LETMD1: variants seen among roughly 807,000 people sequenced by gnomAD.
LETMD1 encodes LETM1 domain-containing protein 1.
In LETMD1, 30 loss-of-function variants were observed where a neutral mutation model predicts 43.9. The observed-to-expected ratio is 0.68, with a 90% CI of 0.51 to 0.93. The LOEUF is 0.93. LETMD1 is among the 40% of genes least tolerant of loss of function. The pLI is 0.00. For missense variants in LETMD1, 413 were observed against 447.7 expected (o/e 0.92, Z 0.70); for synonymous variants, 176 against 163.1 (o/e 1.08, Z -0.60).
chr12:51,058,175 T>C (rs1227528697), intron 8 of LETMD1, 47 bp downstream of exon 8: 1 of 1,202,340 alleles, frequency 8.3e-7, no homozygotes, highest in East Asian at 2.3e-5. Flanking sequence ...AAGTCACTTT[T>C]GTATTTTATT....
At chr12:51,055,685 A>AC in intron 4 of LETMD1, 150 bp from the exon 5 acceptor site, 1 of 444,534 alleles carries the variant, frequency 2.2e-6, no homozygotes, top group East Asian at 3.8e-5. Context: ...AAAAAAAAAA[A>AC]AAAAACTGAA....
the LETMD1 span, chr12:51,067,532 C>T: frequency 5.1e-5 from 38 of 749,374 alleles, no homozygotes; most frequent in South Asian, 7.1e-5. This position sits in a 1 kb window ranked among gnomAD's most constrained non-coding sequence, Gnocchi z 4.1. Context: ...ACTCTGTTGA[C>T]GGAGGAGGGT....
intron 1 of LETMD1, chr12:51,048,826 C>G (rs1377445891): frequency 5.0e-6 from 3 of 604,978 alleles, no homozygotes; most frequent in African/African-American, 3.7e-5. Context: ...GAGGCATACC[C>G]TGAGTTACTT....
chr12:51,067,841 G>C, the LETMD1 span: 2 of 1,614,194 alleles, frequency 1.2e-6, no homozygotes, highest in Non-Finnish European at 1.7e-6. The surrounding 1 kb of genome is among the most constrained non-coding windows in gnomAD (Gnocchi z 4.1). Flanking sequence ...GTCGCCGTTT[G>C]GTGGGCAGAG....
At chr12:51,056,566 G>A (rs754216256) in intron 7 of LETMD1, 64 bp downstream of exon 7, 38 of 1,566,186 alleles carry the variant, frequency 2.4e-5, no homozygotes, top group South Asian at 1.3e-4. Flanking sequence ...ATGGCAGGCC[G>A]GAGGTTTACA....
chr12:51,053,664 T>C (rs1004776229), intron 3 of LETMD1, 114 bp from the exon 4 acceptor site: 19 of 689,532 alleles, frequency 2.8e-5, no homozygotes, highest in African/African-American at 2.7e-4. Context: ...GAAAGAAATT[T>C]GGTCCTTTTT....
intron 4 of LETMD1, chr12:51,055,633 C>T: frequency 2.2e-6 from 1 of 459,060 alleles, no homozygotes; most frequent in South Asian, 3.4e-5. Context: ...CCACTGTACT[C>T]CAGCCTGGGT....
chr12:51,059,065 G>C (rs1948526240), intron 8 of LETMD1: 3 of 384,562 alleles, frequency 7.8e-6, no homozygotes. Flanking sequence ...TGTCCCTAGA[G>C]CACCAACTTC....
chr12:51,052,257 T>C (rs143914017), intron 3 of LETMD1, 50 bp downstream of exon 3: 21 of 1,599,894 alleles, frequency 1.3e-5, no homozygotes, highest in Admixed American at 7.0e-5. Context: ...GTAATTACAT[T>C]TAATCAAGAT....
At chr12:51,054,572 C>T (rs960337968) in intron 4 of LETMD1, among the ~76,000 whole-genome samples, 9 of 152,170 alleles carry the variant, frequency 5.9e-5, no homozygotes, top group Non-Finnish European at 1.0e-4. Context: ...GATAGTGGGA[C>T]TTCTAACTTG....
chr12:51,053,112 C>CA (rs35117894), intron 3 of LETMD1, among the ~76,000 whole-genome samples: 9 of 142,990 alleles, frequency 6.3e-5, no homozygotes, highest in East Asian at 2.2e-4. Context: ...AACTCTGTCT[C>CA]AAAAAAAAAA....
At chr12:51,048,303 G>C (rs778336433), upstream of LETMD1, 1 of 1,612,938 alleles carries the variant, frequency 6.2e-7, no homozygotes, top group Non-Finnish European at 8.5e-7. Context: ...CGCGACGTAC[G>C]GTTAACTTTG....
intron 2 of LETMD1, among the ~76,000 whole-genome samples, chr12:51,051,641 A>C (rs1946175501): frequency 6.6e-6 from 1 of 151,966 alleles, no homozygotes; most frequent in South Asian, 2.1e-4. Context: ...TGGGAGGTGG[A>C]GGTTGCAGTC....
At chr12:51,064,729 G>A (rs1180237831), downstream of LETMD1, 1 of 1,406,634 alleles carries the variant, frequency 7.1e-7, no homozygotes, top group African/African-American at 1.4e-5. Flanking sequence ...AATGGAGACA[G>A]GAGACATGAG....
intron 5 of LETMD1, 33 bp from the exon 6 acceptor site, chr12:51,056,111 C>G: frequency 6.2e-7 from 1 of 1,610,562 alleles, no homozygotes; most frequent in Non-Finnish European, 8.5e-7. Context: ...TCAGGACTTT[C>G]CTAACATCTA....
At position 51,055,824 on chromosome 12, in the gene LETMD1, TC is replaced by T; in HGVS notation, c.474-10del. The T allele has an allele frequency of 6.3e-6, 10 of 1,577,256 alleles. No individual in the cohort carries two copies. The highest frequency in any genetic ancestry group is 8.6e-6 in the Non-Finnish European group (10 of 1,162,394). ...TTCAGCAAGTGAGTTTGTGATTCTTTCTCCTTTCAGGTACCTGTTTCCCAGG... is the reference window on the plus strand; with the variant it reads ...TTCAGCAAGTGAGTTTGTGATTCTTTTCCTTTCAGGTACCTGTTTCCCAGG... On this transcript the variant is annotated splice_polypyrimidine_tract_variant and intron_variant, in intron 4 of 8. Coordinates refer to ENST00000262055, the MANE Select transcript of LETMD1 (RefSeq NM_015416.5).
chr12:51,051,290 G>A (rs760809600), intron 2 of LETMD1, among the ~76,000 whole-genome samples: 8 of 151,998 alleles, frequency 5.3e-5, no homozygotes, highest in Non-Finnish European at 8.8e-5. Context: ...TATAATCCCA[G>A]CTACTCGGAA....
chr12:51,049,012 G>A (rs1282793624), intron 1 of LETMD1, 22 bp from the exon 2 acceptor site: 3 of 1,607,660 alleles, frequency 1.9e-6, no homozygotes, highest in African/African-American at 2.7e-5. Flanking sequence ...TTCCCAGATA[G>A]TCTCTTTGAT....
chr12:51,061,737 C>T (rs1433827232), downstream of LETMD1: 4 of 152,184 alleles, frequency 2.6e-5, no homozygotes, highest in Non-Finnish European at 5.9e-5. Flanking sequence ...ATCCCAAAAG[C>T]TAATGTGTTC....
Sources: allele counts gnomAD v4.1 joint callset (sites outside exome capture counted in the v4.1 genomes callset), GRCh38; gene constraint gnomAD v4.1.1; non-coding constraint Gnocchi (gnomAD v3.1); transcripts MANE v1.5; gene names NCBI Gene and HGNC (gene_info 2026-07-23, HGNC 2026-07-21).